VIPR1: variants seen among roughly 807,000 people sequenced by gnomAD.
VIPR1 encodes the protein vasoactive intestinal peptide receptor 1.
VIPR1 carries 59 observed loss-of-function variants against 58.8 expected under a neutral mutation model. That is an observed-to-expected ratio of 1.00 (90% CI 0.81 to 1.25). The LOEUF (loss-of-function observed/expected upper bound fraction) is 1.25. Among genes scored for constraint, VIPR1 ranks in the 50% most tolerant of loss-of-function variants. VIPR1 has a pLI of 0.00. For missense variants in VIPR1, 626 were observed against 602.7 expected (o/e 1.04, Z -0.40); for synonymous variants, 251 against 242.1 (o/e 1.04, Z -0.34).
chr3:42,496,519 A>G (rs557125966), intron 1 of VIPR1, among the ~76,000 whole-genome samples: 1 of 152,206 alleles, frequency 6.6e-6, no homozygotes, highest in Non-Finnish European at 1.5e-5. Context: ...CTGAGAACTG[A>G]AAAGAATTTC....
At position 42,502,715 on chromosome 3, in the gene VIPR1, G is replaced by A. The variant is rs2125628740; in HGVS notation, c.-21G>A. 1 of 1,287,908 alleles carries A rather than the reference G, an allele frequency of 7.8e-7. No individual in the cohort carries two copies. 79.8% of individuals were successfully genotyped at this position (1,287,908 alleles called of 1,614,324 possible). On this transcript the variant is annotated 5_prime_UTR_variant, in exon 1 of 13. Transcript: ENST00000325123. Reference sequence around the variant, plus strand: ...GCTCTTTGCCCGCGCGGGGCCGCCCGCCGCGGGCTCAGGGCAGACCATGCG... The same window carrying A: ...GCTCTTTGCCCGCGCGGGGCCGCCCACCGCGGGCTCAGGGCAGACCATGCG...
chr3:42,498,267 C>G (rs996984231), upstream of VIPR1, among the ~76,000 whole-genome samples: 1 of 152,192 alleles, frequency 6.6e-6, no homozygotes, highest in Admixed American at 6.5e-5. Context: ...CTGGGCCTGT[C>G]AATGCTCTTC....
intron 1 of VIPR1, among the ~76,000 whole-genome samples, chr3:42,504,233 T>C (rs1700006350): frequency 6.6e-6 from 1 of 152,130 alleles, no homozygotes; most frequent in South Asian, 2.1e-4. Context: ...TTGGGACCAC[T>C]GTTGTCACCC....
intron 1 of VIPR1, among the ~76,000 whole-genome samples, chr3:42,511,118 T>C (rs1700342128): frequency 6.6e-6 from 1 of 152,232 alleles, no homozygotes; most frequent in Non-Finnish European, 1.5e-5. Flanking sequence ...CAGCTCATGT[T>C]GCTAGCAGTA....
At chr3:42,526,339 C>T (rs768490316) in intron 4 of VIPR1, among the ~76,000 whole-genome samples, 21 of 152,212 alleles carry the variant, frequency 1.4e-4, no homozygotes, top group Non-Finnish European at 3.1e-4. Context: ...AGAGGGGAAA[C>T]CGAGTTGCTG....
chr3:42,507,792 T>C (rs562203566), intron 1 of VIPR1: 1 of 152,124 alleles, frequency 6.6e-6, no homozygotes, highest in Non-Finnish European at 1.5e-5. Flanking sequence ...AGAGCCCTTG[T>C]CCTGATATCA....
chr3:42,500,677 G>A (rs1329603747), upstream of VIPR1, among the ~76,000 whole-genome samples: 1 of 152,140 alleles, frequency 6.6e-6, no homozygotes, highest in Non-Finnish European at 1.5e-5. Flanking sequence ...ACTGAGACCC[G>A]AGACGGGGTA....
chr3:42,518,347 T>A (rs1216722375), intron 2 of VIPR1, among the ~76,000 whole-genome samples: 1 of 152,192 alleles, frequency 6.6e-6, no homozygotes, highest in Non-Finnish European at 1.5e-5. Context: ...TGAACAACTC[T>A]TAGTGAAGTT....
In VIPR1 at chr3:42,495,363, T is replaced by C. The variant is rs960355347; in HGVS notation, c.-245+5685T>C. On this transcript the variant is annotated intron_variant, in intron 1 of 13. Coordinates refer to the VIPR1 transcript ENST00000433647. ...GTTTCCATCTCCTGACCTTGTGATCTGCCCTCCTTGGCCTCCCAAAGTGCT... is the reference window on the plus strand; with the variant it reads ...GTTTCCATCTCCTGACCTTGTGATCCGCCCTCCTTGGCCTCCCAAAGTGCT... Among the ~76,000 whole-genome samples, 8 of 152,282 alleles carry C rather than the reference T, an allele frequency of 5.3e-5. No individual in the cohort carries two copies. The East Asian group carries it at 5.8e-4, about 11-fold the overall frequency.
At chr3:42,522,078 CG>C (rs201004214) in intron 3 of VIPR1, among the ~76,000 whole-genome samples, 1,715 of 51,280 alleles carry the variant, frequency 0.033, 142 homozygotes, top group African/African-American at 0.13. Context: ...TTTCTACCTT[CG>C]AATATATATA....
chr3:42,514,907 G>T (rs1386801147), intron 2 of VIPR1, among the ~76,000 whole-genome samples: 1 of 152,220 alleles, frequency 6.6e-6, no homozygotes, highest in East Asian at 1.9e-4. Flanking sequence ...AGACTTGGAG[G>T]GGTGAGCAGG....
Position 42,532,224 on chromosome 3 carries a change from C to T in VIPR1, c.919-18C>T, listed in dbSNP as rs768030980. The T allele has an allele frequency of 2.6e-5, 42 of 1,613,634 alleles. No individual in the cohort carries two copies. Among genetic ancestry groups the T allele is most frequent in the Non-Finnish European group, 3.2e-5 (38 of 1,179,652 alleles). The stretch of plus-strand genomic sequence containing the variant: ...CCTTCCCGCTCTGACTGCCCGAACT[C>T]GGGTCCCCACCCACTAGGTAAACTT... On this transcript the variant is annotated intron_variant, in intron 9 of 12. Coordinates refer to ENST00000325123, the MANE Select transcript of VIPR1 (RefSeq NM_004624.4).
At chr3:42,526,267 G>A (rs1346379754) in intron 4 of VIPR1, among the ~76,000 whole-genome samples, 1 of 152,218 alleles carries the variant, frequency 6.6e-6, no homozygotes, top group African/African-American at 2.4e-5. Context: ...ACTGCCTCAT[G>A]GGAACCTCAC....
At chr3:42,508,739 T>TC (rs1329358639) in intron 1 of VIPR1, 1 of 152,226 alleles carries the variant, frequency 6.6e-6, no homozygotes, top group Non-Finnish European at 1.5e-5. Flanking sequence ...CTGCCCTTCC[T>TC]CCTCCCACCT....
chr3:42,531,798 C>T lies in VIPR1; in HGVS notation c.852-5C>T, dbSNP rs1445881254. On this transcript the variant is annotated splice_region_variant and splice_polypyrimidine_tract_variant and intron_variant, in intron 8 of 12. Coordinates refer to ENST00000325123, the MANE Select transcript of VIPR1 (RefSeq NM_004624.4). ...CCCTCTCATTCCTCCCCACGGTCTGCTCAGGTGCTGGGACACCATCAACTC... is the reference window on the plus strand; with the variant it reads ...CCCTCTCATTCCTCCCCACGGTCTGTTCAGGTGCTGGGACACCATCAACTC... 6.2e-7 allele frequency: 1 copy of T among 1,614,016 alleles called. No homozygotes were observed. Among genetic ancestry groups the T allele is most frequent in the East Asian group, 2.2e-5 (1 of 44,888 alleles).
At position 42,502,773 on chromosome 3, in the gene VIPR1, G is replaced by C; in HGVS notation, c.38G>C (p.Cys13Ser). The C allele has an allele frequency of 7.7e-7, 1 of 1,296,772 alleles. No homozygotes were observed. Among genetic ancestry groups the C allele is most frequent in the Non-Finnish European group, 9.8e-7 (1 of 1,025,044 alleles). 80.3% of individuals were successfully genotyped at this position (1,296,772 alleles called of 1,614,324 possible). ...AGTCCGCTGCCCGCCCGCTGGCTAT[G>C]CGTGCTGGCAGGCGCCCTCGCCTGG... ...PPSPLPARWL[C>S]VLAGALAWAL... is the part of the protein sequence containing the mutation. The change falls in exon 1 of 13, where the codon TGC (cysteine) becomes TCC (serine). Residue 13 changes from cysteine (C) to serine (S), a missense_variant. Coordinates refer to ENST00000325123, the MANE Select transcript of VIPR1 (RefSeq NM_004624.4).
Position 42,502,773 on chromosome 3 carries a change from G to A in VIPR1, c.38G>A (p.Cys13Tyr). The part of the protein sequence containing the change: ...PPSPLPARWL[C>Y]VLAGALAWAL... Reference sequence around the variant, plus strand: ...AGTCCGCTGCCCGCCCGCTGGCTATGCGTGCTGGCAGGCGCCCTCGCCTGG... The same window carrying A: ...AGTCCGCTGCCCGCCCGCTGGCTATACGTGCTGGCAGGCGCCCTCGCCTGG... The change falls in exon 1 of 13, where the codon TGC (cysteine) becomes TAC (tyrosine). Residue 13 changes from cysteine (C) to tyrosine (Y), a missense_variant. Physicochemically the swap from Cys to Tyr is radical, Grantham distance 194 (BLOSUM62 -2). Coordinates refer to ENST00000325123, the MANE Select transcript of VIPR1 (RefSeq NM_004624.4). 1 of 1,296,772 alleles carries A rather than the reference G, an allele frequency of 7.7e-7. No homozygotes were observed. The highest frequency in any genetic ancestry group is 9.8e-7 in the Non-Finnish European group (1 of 1,025,044). 80.3% of individuals were successfully genotyped at this position (1,296,772 alleles called of 1,614,324 possible). A position where few individuals can be genotyped will look rare whatever the true frequency, so the allele number is the denominator to read the frequency against.
In VIPR1 at chr3:42,528,031, T is replaced by G; in HGVS notation, c.544T>G (p.Phe182Val). 5.6e-6 allele frequency: 9 copies of G among 1,614,032 alleles called. No individual in the cohort carries two copies. Among genetic ancestry groups the G allele is most frequent in the Non-Finnish European group, 7.6e-6 (9 of 1,179,954 alleles). ...GCGGAACTACATCCACATGCACCTC[T>G]TCATATCCTTCATCCTGAGGGCTGC... ...CTRNYIHMHLFISFILRAAAV... is the reference protein window; with the variant it reads ...CTRNYIHMHLVISFILRAAAV... Residue 182 changes from phenylalanine (F) to valine (V), a missense_variant, in exon 6 of 13, where the codon TTC becomes GTC. Phe to Val is a conservative substitution (Grantham distance 50, BLOSUM62 -1). Transcript: ENST00000325123.
At position 42,495,865 on chromosome 3, in the gene VIPR1, C is replaced by A. The variant is rs1040576198; in HGVS notation, c.-245+6187C>A. Among the ~76,000 whole-genome samples the A allele has an allele frequency of 6.6e-5, 10 of 151,792 alleles. No individual in the cohort carries two copies. In the East Asian group the frequency reaches 7.8e-4, roughly 12 times the overall value. On this transcript the variant is annotated intron_variant, in intron 1 of 13. Coordinates refer to the VIPR1 transcript ENST00000433647. ...TGGAATAACAATGAAAACTGAACAA[C>A]CTGACTGAACTTGGAAGAAGACCCT...
Sources: gnomAD v4.1 joint callset for allele counts (sites outside exome capture counted in the v4.1 genomes callset) on GRCh38, gnomAD v4.1.1 for gene constraint, MANE v1.5 for transcripts, NCBI Gene and HGNC (gene_info 2026-07-23, HGNC 2026-07-21) for gene names.